Variants in MKLN1 observed in about 807,000 individuals in gnomAD.
MKLN1 encodes muskelin.
In MKLN1, 18 loss-of-function variants were observed where a neutral mutation model predicts 99.0. The observed-to-expected ratio is 0.18, with a 90% CI of 0.13 to 0.27. MKLN1 has a LOEUF of 0.27. Among genes scored for constraint, MKLN1 ranks in the 10% least tolerant of loss-of-function variants. MKLN1 has a pLI of 1.00. For missense variants in MKLN1, 621 were observed against 875.9 expected (o/e 0.71, Z 3.67); for synonymous variants, 288 against 293.2 (o/e 0.98, Z 0.18).
At chr7:131,359,987 G>A (rs1322565221) in intron 1 of MKLN1, among the ~76,000 whole-genome samples, 3 of 152,042 alleles carry the variant, frequency 2.0e-5, no homozygotes, top group Non-Finnish European at 4.4e-5. Flanking sequence ...GACTTCAAAT[G>A]ATCCACCCGC....
chr7:131,168,142 A>G (rs1254094739), intron 2 of MKLN1, among the ~76,000 whole-genome samples: 1 of 152,184 alleles, frequency 6.6e-6, no homozygotes, highest in East Asian at 1.9e-4. Flanking sequence ...CTCAAAAGAA[A>G]CTGCTGTTAC....
intron 3 of MKLN1, among the ~76,000 whole-genome samples, chr7:131,236,559 G>A (rs1584857716): frequency 1.3e-5 from 2 of 152,100 alleles, no homozygotes; most frequent in Non-Finnish European, 2.9e-5. Context: ...TAATAGGGAG[G>A]CTGAGTGGGG....
At chr7:131,462,209 T>C (rs1796535930) in intron 12 of MKLN1, among the ~76,000 whole-genome samples, 1 of 152,126 alleles carries the variant, frequency 6.6e-6, no homozygotes, top group Non-Finnish European at 1.5e-5. Context: ...TTTTTAGTTT[T>C]CATAGAGACA....
At chr7:131,203,029 T>A (rs1796754428) in intron 3 of MKLN1, 2 of 152,258 alleles carry the variant, frequency 1.3e-5, no homozygotes, top group Admixed American at 1.3e-4. Flanking sequence ...ATTTGAATAA[T>A]CATCTATGTC....
At chr7:131,426,320 A>C (rs998093031) in intron 8 of MKLN1, among the ~76,000 whole-genome samples, 6 of 152,200 alleles carry the variant, frequency 3.9e-5, no homozygotes, top group Admixed American at 2.0e-4. Context: ...CTATAAAACA[A>C]AAGGTCAATT....
chr7:131,479,390 T>C (rs1045724294), intron 17 of MKLN1, among the ~76,000 whole-genome samples: 2 of 151,880 alleles, frequency 1.3e-5, no homozygotes, highest in African/African-American at 4.8e-5. Flanking sequence ...ATTAGCCAGG[T>C]GTAGTGGTGT....
chr7:131,437,674 C>A, intron 9 of MKLN1, 111 bp from the exon 10 acceptor site: 2 of 805,250 alleles, frequency 2.5e-6, no homozygotes, highest in Non-Finnish European at 3.9e-6. Flanking sequence ...TTCTGAGAAA[C>A]CTTTTAATGA....
At chr7:131,142,703 C>A (rs1795755124) in intron 1 of MKLN1, 1 of 317,474 alleles carries the variant, frequency 3.1e-6, no homozygotes, top group African/African-American at 2.2e-5. Flanking sequence ...CCACTGCACT[C>A]CAGCCTGGGC....
chr7:131,275,553 ATATATATATATATATTTTTTTTTT>A (rs1488686887), intron 3 of MKLN1, among the ~76,000 whole-genome samples: 15 of 14,884 alleles, frequency 1.0e-3, no homozygotes, highest in African/African-American at 4.4e-3. Context: ...ATATATATAT[ATATATATATATATATTTTTTTTTT>A]TTTTTTTTTT....
chr7:131,268,077 G>A (rs542444932), intron 3 of MKLN1, among the ~76,000 whole-genome samples: 2 of 152,254 alleles, frequency 1.3e-5, no homozygotes, highest in South Asian at 2.1e-4. Context: ...AAATCACATA[G>A]GCTGGGTTGG....
At chr7:131,153,673 T>TTG (rs1433503297) in intron 2 of MKLN1, among the ~76,000 whole-genome samples, 2 of 148,680 alleles carry the variant, frequency 1.3e-5, no homozygotes, top group Non-Finnish European at 3.0e-5. Context: ...GGTTTTTTTT[T>TTG]TTTTTTTGAG....
At chr7:131,283,899 C>A (rs1442379833) in intron 3 of MKLN1, among the ~76,000 whole-genome samples, 2 of 151,962 alleles carry the variant, frequency 1.3e-5, no homozygotes, top group African/African-American at 2.4e-5. Context: ...AGCTTTTTTT[C>A]TCAACATTGT....
chr7:131,444,976 C>T (rs1563352270), intron 11 of MKLN1, among the ~76,000 whole-genome samples: 1 of 151,866 alleles, frequency 6.6e-6, no homozygotes, highest in Non-Finnish European at 1.5e-5. Flanking sequence ...GGTTAAAATC[C>T]TGCTTCATAA....
At chr7:131,453,418 A>G (rs1434799711) in intron 12 of MKLN1, among the ~76,000 whole-genome samples, 2 of 152,192 alleles carry the variant, frequency 1.3e-5, no homozygotes, top group Non-Finnish European at 2.9e-5. Flanking sequence ...GAGAGAAAGA[A>G]TAGATTAAAC....
intron 2 of MKLN1, among the ~76,000 whole-genome samples, chr7:131,202,631 C>G (rs1796748069): frequency 6.6e-6 from 1 of 152,152 alleles, no homozygotes; most frequent in African/African-American, 2.4e-5. Flanking sequence ...TTGCCTCTTT[C>G]CATTAGATGC....
In MKLN1 at chr7:131,153,659, T is replaced by TTCTG. The variant is rs1563232977; in HGVS notation, c.-297+10719_-297+10720insCTGT. On this transcript the variant is annotated intron_variant, in intron 2 of 7. Transcript: ENST00000416992. ...TAGCTACAAAATGAAAGTAGGTTTT[T>TTCTG]TTTGGTTTTTTTTTTTTTTTTGAGA... 4.5e-3 allele frequency among the ~76,000 whole-genome samples: 273 copies of TTCTG among 60,822 alleles called. 2 individuals are homozygous for TTCTG. The highest frequency in any genetic ancestry group is 0.019 in the Middle Eastern group (2 of 106). 39.9% of individuals were successfully genotyped at this position (60,822 alleles called of 152,430 possible).
At chr7:131,447,952 C>T (rs567708644) in intron 12 of MKLN1, among the ~76,000 whole-genome samples, 3 of 152,266 alleles carry the variant, frequency 2.0e-5, no homozygotes, top group South Asian at 2.1e-4. Context: ...GTGGCGGCCA[C>T]GTGAGGTGGC....
chr7:131,322,451 G>C (rs1047323894), intron 3 of MKLN1, among the ~76,000 whole-genome samples: 1 of 152,114 alleles, frequency 6.6e-6, no homozygotes, highest in Non-Finnish European at 1.5e-5. Flanking sequence ...TACATGGCTG[G>C]GGAGGCCTCA....
intron 7 of MKLN1, among the ~76,000 whole-genome samples, 180 bp from the exon 8 acceptor site, chr7:131,414,465 G>A (rs1183678737): frequency 3.3e-5 from 5 of 151,948 alleles, no homozygotes; most frequent in Non-Finnish European, 7.4e-5. Context: ...AAAAGAACAA[G>A]ATTATTATAA....
Sources: gnomAD v4.1 joint callset for allele counts (sites outside exome capture counted in the v4.1 genomes callset) on GRCh38, gnomAD v4.1.1 for gene constraint, MANE v1.5 for transcripts, NCBI Gene and HGNC (gene_info 2026-07-23, HGNC 2026-07-21) for gene names.